The following ZNF678 variants were observed in gnomAD, a reference collection of about 807,000 sequenced individuals.
The protein encoded by ZNF678 is zinc finger protein 678.
ZNF678 carries 5 observed loss-of-function variants against 3.0 expected under a neutral mutation model. The observed-to-expected ratio is 1.69, with a 90% CI of 0.88 to 3.56. The LOEUF is 3.56. Ranked by LOEUF, ZNF678 falls within the 30% of genes most tolerant of loss-of-function variation. The pLI, the probability that ZNF678 is intolerant of heterozygous loss-of-function variation, is 0.00. For synonymous variants in ZNF678, 218 were observed against 199.6 expected (o/e 1.09, Z -0.78); for missense variants, 593 against 605.0 (o/e 0.98, Z 0.21).
chr1:227,610,859 A>G (rs1658000107), intron 1 of ZNF678, among the ~76,000 whole-genome samples: 1 of 152,170 alleles, frequency 6.6e-6, no homozygotes, highest in South Asian at 2.1e-4. Context: ...TTCTGAAACC[A>G]CTTTCTTAAC....
In ZNF678 at chr1:227,570,136, T is replaced by A. The variant is rs534473665; in HGVS notation, c.-164+6412T>A. On this transcript the variant is annotated intron_variant, in intron 1 of 3. Transcript: ENST00000343776. Reference sequence around the variant, plus strand: ...TCAGGGCTTTCTGTGGAGCAGGCACTAGGGCAGGGTTCTGCTATATGGTGG... The same window carrying A: ...TCAGGGCTTTCTGTGGAGCAGGCACAAGGGCAGGGTTCTGCTATATGGTGG... 2.4e-4 allele frequency among the ~76,000 whole-genome samples: 36 copies of A among 152,348 alleles called. No individual in the cohort carries two copies. In the East Asian group the frequency reaches 5.2e-3, roughly 22 times the overall value.
intron 1 of ZNF678, among the ~76,000 whole-genome samples, chr1:227,633,857 G>GTGGGGCACATGGCCCAC (rs1362650325): frequency 6.6e-6 from 1 of 152,198 alleles, no homozygotes; most frequent in African/African-American, 2.4e-5. Context: ...CAGTGGACTA[G>GTGGGGCACATGGCCCAC]TGGGGCACAT....
chr1:227,654,682 A>G lies in ZNF678; in HGVS notation c.432A>G (p.Lys144=), dbSNP rs878868564. The G allele has an allele frequency of 1.9e-6, 3 of 1,612,768 alleles. No homozygotes were observed. The African/African-American group carries it at 4.0e-5, about 22-fold the overall frequency. The change falls in exon 4 of 4, where the codon AAA becomes AAG. Residue 144 remains lysine, a synonymous_variant. Coordinates refer to ENST00000343776, the MANE Select transcript of ZNF678 (RefSeq NM_001367909.1). ...FNRCSNLTKH[K]RIHTGEKPYK... is the part of the protein sequence containing the mutation. Reference sequence around the variant, plus strand: ...GATGTTCAAACCTAACAAAACATAAAAGAATTCATACTGGAGAGAAACCCT... The same window carrying G: ...GATGTTCAAACCTAACAAAACATAAGAGAATTCATACTGGAGAGAAACCCT...
intron 1 of ZNF678, among the ~76,000 whole-genome samples, chr1:227,589,067 A>G (rs1425311409): frequency 6.8e-6 from 1 of 147,468 alleles, no homozygotes; most frequent in African/African-American, 2.6e-5. Context: ...TAGATTTCAA[A>G]AATTTTCTCC....
intron 1 of ZNF678, among the ~76,000 whole-genome samples, chr1:227,632,737 T>A (rs988949077): frequency 2.0e-5 from 3 of 152,138 alleles, no homozygotes; most frequent in African/African-American, 7.2e-5. Context: ...TAGGACAGAA[T>A]AGCAAGCGAA....
In ZNF678 at chr1:227,624,153, A is replaced by G. The variant is rs1279908337; in HGVS notation, c.-163-22391A>G. Among the ~76,000 whole-genome samples, 12 of 152,370 alleles carry G rather than the reference A, an allele frequency of 7.9e-5. No homozygotes were observed. The East Asian group carries it at 2.3e-3, about 29-fold the overall frequency. Reference sequence around the variant, plus strand: ...TCTGTTTGGACAATGCTCTTTCTACAGTCATGGACAACAATCACTTTTTAC... The same window carrying G: ...TCTGTTTGGACAATGCTCTTTCTACGGTCATGGACAACAATCACTTTTTAC... On this transcript the variant is annotated intron_variant, in intron 1 of 3. Transcript: ENST00000343776.
rs79565245 is a variant in ZNF678 at position 227,577,336 on chromosome 1, A to T, written c.-164+13612A>T. On this transcript the variant is annotated intron_variant, in intron 1 of 3. Coordinates refer to ENST00000343776, the MANE Select transcript of ZNF678 (RefSeq NM_001367909.1). ...AATGATCTAATACTGTCAGTGGGGT[A>T]TTAAAGCCCCCTACTATTACTGTGT... Among the ~76,000 whole-genome samples the T allele has an allele frequency of 3.4e-4, 52 of 152,268 alleles. No individual in the cohort carries two copies. In the East Asian group the frequency reaches 9.5e-3, roughly 28 times the overall value.
At chr1:227,666,156 A>G (rs781524552), downstream of ZNF678, among the ~76,000 whole-genome samples, 4 of 152,164 alleles carry the variant, frequency 2.6e-5, no homozygotes, top group Non-Finnish European at 5.9e-5. Flanking sequence ...GAAATGGTAA[A>G]TGCTTCTCTT....
At chr1:227,652,570 T>C (rs1374326472) in intron 3 of ZNF678, among the ~76,000 whole-genome samples, 2 of 152,152 alleles carry the variant, frequency 1.3e-5, no homozygotes, top group East Asian at 3.9e-4. Flanking sequence ...GTATTTTCTT[T>C]GTGGTTACCA....
intron 1 of ZNF678, among the ~76,000 whole-genome samples, chr1:227,637,800 C>G (rs1571905006): frequency 1.3e-5 from 2 of 152,100 alleles, no homozygotes; most frequent in South Asian, 4.2e-4. Context: ...GAGAAAATTT[C>G]TTGCTTGGTT....
At chr1:227,644,077 T>G (rs1258361070) in intron 1 of ZNF678, among the ~76,000 whole-genome samples, 1 of 151,836 alleles carries the variant, frequency 6.6e-6, no homozygotes, top group East Asian at 1.9e-4. Flanking sequence ...GTTGGCCAAG[T>G]TGGTCTCGAA....
rs567190983 is a variant in ZNF678, at chr1:227,662,068, G to T, written c.*6240G>T. The T allele has an allele frequency of 1.3e-5, 2 of 152,240 alleles. No individual in the cohort carries two copies. The highest frequency in any genetic ancestry group is 2.4e-5 in the African/African-American group (1 of 41,564). The allele number at this position is 152,240 out of a possible 1,614,324, so 9.4% of individuals were successfully genotyped here. A position where few individuals can be genotyped will look rare whatever the true frequency, so the allele number is the denominator to read the frequency against. On this transcript the variant is annotated 3_prime_UTR_variant, in exon 4 of 4. Transcript: ENST00000343776. Reference sequence around the variant, plus strand: ...GAGGACATGAGTATTTAAGGAGAAGGTTCTAGGCTTCCGAAGTAAAATTGG... The same window carrying T: ...GAGGACATGAGTATTTAAGGAGAAGTTTCTAGGCTTCCGAAGTAAAATTGG...
At chr1:227,676,492 AT>A (rs201392687) in intron 5 of ZNF678, among the ~76,000 whole-genome samples, 1,813 of 151,340 alleles carry the variant, frequency 0.012, 21 homozygotes, top group East Asian at 0.049. Flanking sequence ...TCCCCAAAAC[AT>A]TTTTTTTTAT....
intron 1 of ZNF678, among the ~76,000 whole-genome samples, chr1:227,579,477 G>A (rs980775937): frequency 7.9e-5 from 12 of 152,052 alleles, no homozygotes; most frequent in African/African-American, 2.9e-4. Context: ...TGCAATGGTG[G>A]TTGGTGGGGG....
At chr1:227,599,426 T>A (rs143655296) in intron 1 of ZNF678, among the ~76,000 whole-genome samples, 6 of 152,318 alleles carry the variant, frequency 3.9e-5, no homozygotes, top group African/African-American at 1.4e-4. Context: ...AAATACTGTA[T>A]GTAATTAGGT....
chr1:227,625,920 A>T (rs545830414), intron 1 of ZNF678, among the ~76,000 whole-genome samples: 42 of 152,266 alleles, frequency 2.8e-4, no homozygotes, highest in African/African-American at 4.1e-4. Context: ...GAGTATTTGC[A>T]TGCATGCAAA....
At chr1:227,619,553 C>G (rs1012941489) in intron 1 of ZNF678, among the ~76,000 whole-genome samples, 1 of 151,372 alleles carries the variant, frequency 6.6e-6, no homozygotes, top group African/African-American at 2.4e-5. Context: ...GCTCTGTTGC[C>G]CAGGCTGGAG....
rs551616269 is a variant in ZNF678, at chr1:227,661,797, C to G, written c.*5969C>G. 4 of 152,324 alleles carry G rather than the reference C, an allele frequency of 2.6e-5. No homozygotes were observed. The highest frequency in any genetic ancestry group is 7.2e-5 in the African/African-American group (3 of 41,552). 9.4% of individuals were successfully genotyped at this position (152,324 alleles called of 1,614,324 possible). A position where few individuals can be genotyped will look rare whatever the true frequency, so the allele number is the denominator to read the frequency against. ...CTGTGGTGAAGTCCTGGTTAGGAGC[C>G]TAGGAAAATGGTGAAGGAAAAGATG... On this transcript the variant is annotated 3_prime_UTR_variant, in exon 4 of 4. Coordinates refer to ENST00000343776, the MANE Select transcript of ZNF678 (RefSeq NM_001367909.1).
At chr1:227,639,980 AT>A (rs2102790063) in intron 1 of ZNF678, among the ~76,000 whole-genome samples, 1 of 152,212 alleles carries the variant, frequency 6.6e-6, no homozygotes, top group Admixed American at 6.5e-5. Flanking sequence ...CTCTAACAAT[AT>A]CTTTGGTTCC....
Sources: allele counts gnomAD v4.1 joint callset (sites outside exome capture counted in the v4.1 genomes callset), GRCh38; gene constraint gnomAD v4.1.1; transcripts MANE v1.5; gene names NCBI Gene and HGNC (gene_info 2026-07-23, HGNC 2026-07-21).